UGT2A1: variants seen among roughly 807,000 people sequenced by gnomAD.
UGT2A1 encodes the protein UDP glucuronosyltransferase family 2 member A1 complex locus, also known as UDP-glucuronosyltransferase 2A1.
UGT2A1 carries 61 observed loss-of-function variants against 45.4 expected under a neutral mutation model. The observed-to-expected ratio is 1.34, with a 90% CI of 1.09 to 1.66. The LOEUF (loss-of-function observed/expected upper bound fraction) is 1.66. Among genes scored for constraint, UGT2A1 ranks in the 40% most tolerant of loss-of-function variants. The pLI, the probability that UGT2A1 is intolerant of heterozygous loss-of-function variation, is 0.00. For synonymous variants in UGT2A1, 229 were observed against 196.2 expected, an observed-to-expected ratio of 1.17 and a Z score of -1.40; for missense variants, 649 against 574.3, an observed-to-expected ratio of 1.13 and a Z score of -1.33.
chr4:69,595,849 T>C, intron 4 of UGT2A1, among the ~76,000 whole-genome samples: 1 of 152,206 alleles, frequency 6.6e-6, no homozygotes, highest in East Asian at 1.9e-4. Flanking sequence ...GACATTCGAA[T>C]TATATTTTTA....
At position 69,605,930 on chromosome 4, in the gene UGT2A1, A is replaced by G. The variant is rs1450551862; in HGVS notation, c.848-6536T>C. On this transcript the variant is annotated intron_variant, in intron 3 of 6. Transcript: ENST00000286604. Reference sequence around the variant, plus strand: ...AGGCTCTGAAATTGAGGCAATAATTAATAGCTTAGCAACCAAAAAAAGTCC... The same window carrying G: ...AGGCTCTGAAATTGAGGCAATAATTGATAGCTTAGCAACCAAAAAAAGTCC... 1.5e-5 allele frequency among the ~76,000 whole-genome samples: 2 copies of G among 137,098 alleles called. 1 individual carries two copies. The highest frequency in any genetic ancestry group is 1.4e-4 in the Admixed American group (2 of 13,980). 89.9% of individuals were successfully genotyped at this position (137,098 alleles called of 152,430 possible). A position where few individuals can be genotyped will look rare whatever the true frequency, so the allele number is the denominator to read the frequency against.
intron 6 of UGT2A1, among the ~76,000 whole-genome samples, chr4:69,591,538 C>T (rs143840838): frequency 3.4e-4 from 51 of 152,112 alleles, no homozygotes; most frequent in African/African-American, 1.2e-3. Flanking sequence ...GGTTGTGAAA[C>T]GTTTCTTATC....
intron 3 of UGT2A1, among the ~76,000 whole-genome samples, chr4:69,632,921 C>G (rs149007919): frequency 1.3e-5 from 2 of 150,554 alleles, no homozygotes; most frequent in East Asian, 3.9e-4. Context: ...TTTAAGACAA[C>G]TTTTATTTTT....
chr4:69,647,658 G>A lies in UGT2A1; in HGVS notation c.-14C>T. 2 of 1,500,892 alleles carry A rather than the reference G, an allele frequency of 1.3e-6. No individual in the cohort carries two copies. The highest frequency in any genetic ancestry group is 9.0e-7 in the Non-Finnish European group (1 of 1,116,200). 93.0% of individuals were successfully genotyped at this position (1,500,892 alleles called of 1,614,324 possible). A position where few individuals can be genotyped will look rare whatever the true frequency, so the allele number is the denominator to read the frequency against. On this transcript the variant is annotated 5_prime_UTR_variant, in exon 2 of 7. Coordinates refer to ENST00000286604, the MANE Select transcript of UGT2A1 (RefSeq NM_001252275.3). ...GTTGTTTAACATGATGTGGCTTGATGCAGAAGATTTGATGAGATGTGAAGC... is the reference window on the plus strand; with the variant it reads ...GTTGTTTAACATGATGTGGCTTGATACAGAAGATTTGATGAGATGTGAAGC...
At chr4:69,630,933 G>A (rs148276393) in intron 3 of UGT2A1, among the ~76,000 whole-genome samples, 1 of 152,050 alleles carries the variant, frequency 6.6e-6, no homozygotes. Context: ...AAGAATACAC[G>A]ACTAAGTGGC....
intron 4 of UGT2A1, among the ~76,000 whole-genome samples, chr4:69,598,855 C>T (rs1168083942): frequency 6.6e-6 from 1 of 152,044 alleles, no homozygotes; most frequent in African/African-American, 2.4e-5. Flanking sequence ...GGAATTCACC[C>T]AACAGTTTTC....
At position 69,615,709 on chromosome 4, in the gene UGT2A1, C is replaced by T. The variant is rs1461494864; in HGVS notation, c.848-16315G>A. On this transcript the variant is annotated intron_variant, in intron 3 of 6. Coordinates refer to ENST00000286604, the MANE Select transcript of UGT2A1 (RefSeq NM_001252275.3). ...ATGGCTTTTACCACCCTGACCCCGC[C>T]GCAAAAACAAACAAGCAAACAAACA... 3.3e-5 allele frequency among the ~76,000 whole-genome samples: 5 copies of T among 151,658 alleles called. No individual in the cohort carries two copies. In the East Asian group the frequency reaches 9.7e-4, roughly 29 times the overall value.
At chr4:69,652,336 T>A (rs1722566717) in intron 1 of UGT2A1, among the ~76,000 whole-genome samples, 1 of 140,912 alleles carries the variant, frequency 7.1e-6, no homozygotes, top group Non-Finnish European at 1.5e-5. Flanking sequence ...CAAGCTGGAG[T>A]GCAAGGGCAT....
At chr4:69,626,640 A>G (rs1721074690) in intron 3 of UGT2A1, among the ~76,000 whole-genome samples, 1 of 149,846 alleles carries the variant, frequency 6.7e-6, no homozygotes, top group Non-Finnish European at 1.5e-5. Context: ...AAATGAAAGC[A>G]GAAGATAAAA....
intron 2 of UGT2A1, among the ~76,000 whole-genome samples, chr4:69,636,969 G>A (rs1721745896): frequency 6.6e-6 from 1 of 152,066 alleles, no homozygotes; most frequent in Non-Finnish European, 1.5e-5. Flanking sequence ...GTTACTTTTT[G>A]TATGTCTCTT....
At chr4:69,650,745 C>G (rs1722484045) in intron 1 of UGT2A1, among the ~76,000 whole-genome samples, 1 of 152,020 alleles carries the variant, frequency 6.6e-6, no homozygotes, top group South Asian at 2.1e-4. Flanking sequence ...TTCATGTAAT[C>G]CCTTCTCTTT....
chr4:69,635,840 AAAAAAAAAAAGAGAG>A lies in UGT2A1; in HGVS notation c.716-33_716-19del. 6.8e-6 allele frequency: 1 copy of A among 146,456 alleles called. No individual in the cohort carries two copies. Among genetic ancestry groups the A allele is most frequent in the Non-Finnish European group, 1.5e-5 (1 of 67,558 alleles). 9.1% of individuals were successfully genotyped at this position (146,456 alleles called of 1,614,324 possible). A position where few individuals can be genotyped will look rare whatever the true frequency, so the allele number is the denominator to read the frequency against. ...GAGTCCACCTCACCAAAAAAAAAAA[AAAAAAAAAAAGAGAG>A]AGAGAGAGAGAAATAAGGTTCAGTT... On this transcript the variant is annotated intron_variant, in intron 2 of 6. Transcript: ENST00000286604.
chr4:69,637,017 G>T (rs1254183364), intron 2 of UGT2A1, among the ~76,000 whole-genome samples: 1 of 152,004 alleles, frequency 6.6e-6, no homozygotes, highest in African/African-American at 2.4e-5. Flanking sequence ...TTCAGTAGCT[G>T]CAATAATCAC....
intron 6 of UGT2A1, among the ~76,000 whole-genome samples, chr4:69,591,766 C>T (rs1317935718): frequency 1.3e-5 from 2 of 151,984 alleles, no homozygotes; most frequent in African/African-American, 4.8e-5. Context: ...TCATTTTAAG[C>T]ATTAGAGTTA....
intron 2 of UGT2A1, among the ~76,000 whole-genome samples, chr4:69,644,659 G>C (rs1246801320): frequency 2.0e-5 from 3 of 151,590 alleles, no homozygotes; most frequent in African/African-American, 4.8e-5. Context: ...ATTGTAGCAA[G>C]GCTTGTATTC....
chr4:69,644,881 T>C (rs1370934620), intron 2 of UGT2A1, among the ~76,000 whole-genome samples: 1 of 151,812 alleles, frequency 6.6e-6, no homozygotes, highest in Non-Finnish European at 1.5e-5. Flanking sequence ...TGCATATTTA[T>C]TTTGATTGAT....
At chr4:69,629,366 G>T (rs1350132972) in intron 3 of UGT2A1, among the ~76,000 whole-genome samples, 2 of 151,966 alleles carry the variant, frequency 1.3e-5, no homozygotes, top group African/African-American at 4.8e-5. Context: ...ATTCAAGAGG[G>T]GCTCATACCT....
chr4:69,646,536 C>T lies in UGT2A1; in HGVS notation c.715+394G>A, dbSNP rs538021729. On this transcript the variant is annotated intron_variant, in intron 2 of 6. Transcript: ENST00000286604. Reference sequence around the variant, plus strand: ...ATCCACATATATGTATGTTCTTAAACGTGCATATTAATGTCTGTATTAATA... The same window carrying T: ...ATCCACATATATGTATGTTCTTAAATGTGCATATTAATGTCTGTATTAATA... Among the ~76,000 whole-genome samples the T allele has an allele frequency of 1.4e-4, 21 of 151,880 alleles. 1 individual carries two copies. Among genetic ancestry groups the T allele is most frequent in the Admixed American group, 4.6e-4 (7 of 15,212 alleles).
chr4:69,641,622 G>A (rs1453571868), intron 2 of UGT2A1, among the ~76,000 whole-genome samples: 1 of 151,828 alleles, frequency 6.6e-6, no homozygotes, highest in East Asian at 1.9e-4. Flanking sequence ...CTTAAATTTA[G>A]ATGTACTTTT....
Sources: gnomAD v4.1 joint callset for allele counts (sites outside exome capture counted in the v4.1 genomes callset) on GRCh38, gnomAD v4.1.1 for gene constraint, MANE v1.5 for transcripts, NCBI Gene and HGNC (gene_info 2026-07-23, HGNC 2026-07-21) for gene names.